Variants in PAPPA2 observed in about 807,000 individuals in gnomAD.
PAPPA2 encodes pappalysin 2, also known as pappalysin-2.
PAPPA2 carries 86 observed loss-of-function variants against 176.4 expected under a neutral mutation model. That is an observed-to-expected ratio of 0.49 (90% confidence interval 0.41 to 0.58). PAPPA2 has a LOEUF of 0.58. Among genes scored for constraint, PAPPA2 ranks in the 20% least tolerant of loss-of-function variants. PAPPA2 has a pLI of 0.00. For synonymous variants in PAPPA2, 809 were observed against 852.2 expected (o/e 0.95, Z 0.88); for missense variants, 2,073 against 2,256.9 (o/e 0.92, Z 1.65).
chr1:176,491,462 G>A (rs995608058), intron 1 of PAPPA2, among the ~76,000 whole-genome samples: 4 of 152,150 alleles, frequency 2.6e-5, no homozygotes, highest in African/African-American at 4.8e-5. Flanking sequence ...ACAGAGTTAC[G>A]AACATGTCCG....
chr1:176,646,731 A>G (rs1657418546), intron 3 of PAPPA2, among the ~76,000 whole-genome samples: 1 of 151,516 alleles, frequency 6.6e-6, no homozygotes, highest in African/African-American at 2.4e-5. Flanking sequence ...GTTGTTGCAA[A>G]TGATAGGATC....
At chr1:176,793,790 G>A (rs1665295334) in intron 20 of PAPPA2, 121 bp downstream of exon 20, 2 of 656,362 alleles carry the variant, frequency 3.0e-6, no homozygotes, top group Non-Finnish European at 5.0e-6. Context: ...CAACCACATG[G>A]ATTATTCCTA....
chr1:176,634,963 ATAAATAGATAGATAGATAG>A (rs1558487028), intron 3 of PAPPA2, among the ~76,000 whole-genome samples: 3 of 121,794 alleles, frequency 2.5e-5, no homozygotes, highest in African/African-American at 9.3e-5. Flanking sequence ...AGATAGATAG[ATAAATAGATAGATAGATAG>A]ATAGATAGAT....
chr1:176,833,198 C>T (rs892943325), intron 21 of PAPPA2, among the ~76,000 whole-genome samples: 3 of 152,136 alleles, frequency 2.0e-5, no homozygotes, highest in Admixed American at 6.6e-5. Context: ...AACTGTTAGC[C>T]GAAAACACAG....
chr1:176,664,188 G>A (rs892045793), intron 3 of PAPPA2, among the ~76,000 whole-genome samples: 1 of 152,152 alleles, frequency 6.6e-6, no homozygotes, highest in Non-Finnish European at 1.5e-5. Flanking sequence ...TGCAAGCATA[G>A]TGACTTAAGA....
At chr1:176,690,675 C>T (rs1660077877) in intron 5 of PAPPA2, 1 of 1,307,548 alleles carries the variant, frequency 7.6e-7, no homozygotes, top group African/African-American at 1.5e-5. Context: ...AAATATACTT[C>T]TATCCTCGAT....
intron 2 of PAPPA2, among the ~76,000 whole-genome samples, chr1:176,575,934 T>C (rs528977727): frequency 6.6e-6 from 1 of 152,254 alleles, no homozygotes; most frequent in Non-Finnish European, 1.5e-5. Flanking sequence ...AGGCTGTGAA[T>C]ATTTTCCTGT....
At chr1:176,655,232 G>T (rs1023997612) in intron 3 of PAPPA2, among the ~76,000 whole-genome samples, 4 of 151,640 alleles carry the variant, frequency 2.6e-5, no homozygotes, top group Non-Finnish European at 5.9e-5. Flanking sequence ...TTTTTATTTT[G>T]AGATGTGTTC....
Position 176,840,246 on chromosome 1 carries a change from G to A in PAPPA2, c.5276G>A (p.Cys1759Tyr). 1 of 1,612,922 alleles carries A rather than the reference G, an allele frequency of 6.2e-7. No individual in the cohort carries two copies. The highest frequency in any genetic ancestry group is 8.5e-7 in the Non-Finnish European group (1 of 1,179,232). Residue 1759 changes from cysteine to tyrosine, a missense_variant, in exon 22 of 23, where the codon TGC becomes TAC. By Grantham distance (194) the Cys-to-Tyr change is radical. This residue lies in a region of PAPPA2 where 27 missense variants were observed against 52.1 expected (regional missense o/e 0.52). Coordinates refer to ENST00000367662, the MANE Select transcript of PAPPA2 (RefSeq NM_020318.3). ...TGCCACTATGACGGGGGAGACTGCT[G>A]CTCTTCCACACTCTCCTCCAAGAAG... The part of the protein sequence containing the change: ...AYCHYDGGDC[C>Y]SSTLSSKKVI...
At chr1:176,796,993 C>T (rs1366700626) in intron 20 of PAPPA2, among the ~76,000 whole-genome samples, 1 of 151,996 alleles carries the variant, frequency 6.6e-6, no homozygotes, top group Non-Finnish European at 1.5e-5. Flanking sequence ...AATTTTTAAA[C>T]TAATTTTCTC....
chr1:176,677,110 T>G (rs1264235764), intron 4 of PAPPA2, among the ~76,000 whole-genome samples: 1 of 152,174 alleles, frequency 6.6e-6, no homozygotes, highest in African/African-American at 2.4e-5. Flanking sequence ...TTATTTCTTC[T>G]TGTTCAATCA....
chr1:176,516,096 A>C, intron 1 of PAPPA2, among the ~76,000 whole-genome samples: 1 of 152,046 alleles, frequency 6.6e-6, no homozygotes, highest in East Asian at 1.9e-4. Flanking sequence ...ACATGTTCTC[A>C]AGACACCCAC....
chr1:176,587,078 A>G (rs1375750525), intron 2 of PAPPA2, among the ~76,000 whole-genome samples: 2 of 150,228 alleles, frequency 1.3e-5, no homozygotes, highest in Admixed American at 6.6e-5. Context: ...GGCCACTTAA[A>G]TGTCTTCTTT....
At chr1:176,660,747 ATG>A (rs1658317419) in intron 3 of PAPPA2, among the ~76,000 whole-genome samples, 2 of 152,084 alleles carry the variant, frequency 1.3e-5, no homozygotes, top group Non-Finnish European at 1.5e-5. Flanking sequence ...AAACAATAAA[ATG>A]TGATTAGTTT....
At position 176,770,852 on chromosome 1, in the gene PAPPA2, A is replaced by G. The variant is rs373169562; in HGVS notation, c.4502-115A>G. 20 of 931,068 alleles carry G rather than the reference A, an allele frequency of 2.1e-5. 1 individual carries two copies. The highest frequency in any genetic ancestry group is 2.1e-4 in the African/African-American group (13 of 60,658). The allele number at this position is 931,068 out of a possible 1,614,324, so 57.7% of individuals were successfully genotyped here. On this transcript the variant is annotated intron_variant, in intron 16 of 22. Coordinates refer to ENST00000367662, the MANE Select transcript of PAPPA2 (RefSeq NM_020318.3). The stretch of plus-strand genomic sequence containing the variant: ...TTTTTGAGATGCTACTCAAGAAAGA[A>G]TAATATGACTTTTGAAAGGCACCAG...
In PAPPA2 at chr1:176,556,568, C is replaced by T; in HGVS notation, c.246C>T (p.Tyr82=). The T allele has an allele frequency of 6.2e-7, 1 of 1,614,222 alleles. No individual in the cohort carries two copies. The change falls in exon 2 of 23, where the codon TAC becomes TAT. Residue 82 remains tyrosine, a synonymous_variant. Transcript: ENST00000367662. The stretch of plus-strand genomic sequence containing the variant: ...GGGCTGGGAACTACCTAAGGCCCTA[C>T]CCCGTGGGGGAGCAAGAAATCCATC... ...PSRAGNYLRP[Y]PVGEQEIHHT...
At chr1:176,616,335 T>C in intron 3 of PAPPA2, 1 of 559,292 alleles carries the variant, frequency 1.8e-6, no homozygotes, top group Non-Finnish European at 3.5e-6. Context: ...TTTAGGATGA[T>C]ACTTCTCCAA....
intron 3 of PAPPA2, among the ~76,000 whole-genome samples, chr1:176,617,729 G>A (rs1277678328): frequency 2.0e-5 from 3 of 151,732 alleles, no homozygotes; most frequent in African/African-American, 4.8e-5. Context: ...TTTTGCAATT[G>A]CAAATTGTGC....
At chr1:176,737,746 G>A (rs914723497) in intron 12 of PAPPA2, among the ~76,000 whole-genome samples, 1 of 152,118 alleles carries the variant, frequency 6.6e-6, no homozygotes, top group African/African-American at 2.4e-5. Context: ...GACCCTTGGA[G>A]CAAGGAGGCA....
Sources: allele counts gnomAD v4.1 joint callset (sites outside exome capture counted in the v4.1 genomes callset), GRCh38; gene constraint gnomAD v4.1.1; regional missense constraint gnomAD v4.1.1; transcripts MANE v1.5; gene names NCBI Gene and HGNC (gene_info 2026-07-23, HGNC 2026-07-21).